The following BRINP3 variants were observed in gnomAD, a reference collection of about 807,000 sequenced individuals.
BRINP3 encodes BMP/retinoic acid inducible neural specific 3.
BRINP3 carries 19 observed loss-of-function variants against 71.0 expected under a neutral mutation model. The ratio of observed to expected loss-of-function variants is 0.27; its 90% CI spans 0.19 to 0.39. BRINP3 has a LOEUF of 0.39. Among genes scored for constraint, BRINP3 ranks in the 10% least tolerant of loss-of-function variants. The pLI, the probability that BRINP3 is intolerant of heterozygous loss-of-function variation, is 1.00. For synonymous variants in BRINP3, 380 were observed against 337.7 expected, an observed-to-expected ratio of 1.13 and a Z score of -1.37; for missense variants, 959 against 940.8, an observed-to-expected ratio of 1.02 and a Z score of -0.25.
intron 6 of BRINP3, among the ~76,000 whole-genome samples, chr1:190,195,627 GTACA>G (rs1052284491): frequency 4.6e-5 from 7 of 151,676 alleles, no homozygotes; most frequent in Non-Finnish European, 1.0e-4. Context: ...TCATAGAAAG[GTACA>G]TACATACCTA....
intron 1 of BRINP3, among the ~76,000 whole-genome samples, chr1:190,473,726 G>T (rs1032734211): frequency 1.3e-5 from 2 of 150,404 alleles, no homozygotes; most frequent in African/African-American, 4.9e-5. Flanking sequence ...CTACAAAACT[G>T]AAAATGTAAA....
intron 6 of BRINP3, among the ~76,000 whole-genome samples, chr1:190,225,373 C>T (rs865842504): frequency 3.8e-4 from 57 of 151,900 alleles, no homozygotes; most frequent in African/African-American, 1.4e-3. Context: ...AAGTCAATCA[C>T]AGAAAGACAA....
chr1:190,112,969 C>T (rs12060120), intron 7 of BRINP3, among the ~76,000 whole-genome samples: 1,962 of 152,144 alleles, frequency 0.013, 39 homozygotes, highest in African/African-American at 0.045. Flanking sequence ...CTGAATGGTA[C>T]AAACTTTCAG....
chr1:190,222,265 C>G (rs956788079), intron 6 of BRINP3, among the ~76,000 whole-genome samples: 1 of 151,630 alleles, frequency 6.6e-6, no homozygotes, highest in Non-Finnish European at 1.5e-5. Flanking sequence ...ACAAGAGGAA[C>G]CTTGGAAAAT....
intron 2 of BRINP3, among the ~76,000 whole-genome samples, chr1:190,432,323 C>T (rs1341201221): frequency 1.3e-5 from 2 of 152,038 alleles, no homozygotes; most frequent in Admixed American, 1.3e-4. Context: ...AGGTATATTT[C>T]TTCTATTTCT....
chr1:190,147,517 C>G (rs947304751), intron 7 of BRINP3, among the ~76,000 whole-genome samples: 3 of 152,184 alleles, frequency 2.0e-5, no homozygotes, highest in African/African-American at 7.2e-5. Context: ...TATCAATTCA[C>G]TAAGCAGAAA....
At chr1:190,248,172 C>T (rs1055295607) in intron 4 of BRINP3, among the ~76,000 whole-genome samples, 1 of 151,746 alleles carries the variant, frequency 6.6e-6, no homozygotes, top group African/African-American at 2.4e-5. Context: ...ATCTGTGTCA[C>T]CTCTTGCTAT....
intron 2 of BRINP3, among the ~76,000 whole-genome samples, chr1:190,401,376 C>CAAAAAAAAAAAAAAAAA (rs762938571): frequency 1.1e-5 from 1 of 89,372 alleles, no homozygotes; most frequent in Non-Finnish European, 2.0e-5. Flanking sequence ...CATCTCAAAA[C>CAAAAAAAAAAAAAAAAA]AAAAAAAAAA....
chr1:190,139,177 C>T lies in BRINP3; in HGVS notation c.1184+21491G>A, dbSNP rs557631626. On this transcript the variant is annotated intron_variant, in intron 7 of 7. Coordinates refer to ENST00000367462, the MANE Select transcript of BRINP3 (RefSeq NM_199051.3). ...AAAAAAAAAATGATCGGCCCGGAGCCGTGGCTCACACCTGTAATCCCAGCC... is the reference window on the plus strand; with the variant it reads ...AAAAAAAAAATGATCGGCCCGGAGCTGTGGCTCACACCTGTAATCCCAGCC... Among the ~76,000 whole-genome samples, 23 of 151,634 alleles carry T rather than the reference C, an allele frequency of 1.5e-4. No homozygotes were observed. The South Asian group carries it at 1.9e-3, about 12-fold the overall frequency.
intron 2 of BRINP3, among the ~76,000 whole-genome samples, chr1:190,299,875 G>T (rs1223152334): frequency 2.0e-5 from 3 of 152,036 alleles, no homozygotes; most frequent in African/African-American, 7.2e-5. Context: ...GTTGAATATT[G>T]GCCCCACTCT....
chr1:190,208,118 T>A (rs561894365), intron 6 of BRINP3, among the ~76,000 whole-genome samples: 3 of 151,896 alleles, frequency 2.0e-5, no homozygotes, highest in South Asian at 2.1e-4. Flanking sequence ...TGGTTAATTT[T>A]TTTTTTTATT....
intron 7 of BRINP3, among the ~76,000 whole-genome samples, chr1:190,117,441 G>T (rs1411196464): frequency 6.6e-6 from 1 of 151,874 alleles, no homozygotes. Flanking sequence ...TACACAAACA[G>T]TAGAGATTCT....
At chr1:190,170,286 T>C (rs192352499) in intron 6 of BRINP3, among the ~76,000 whole-genome samples, 1 of 152,174 alleles carries the variant, frequency 6.6e-6, no homozygotes, top group East Asian at 1.9e-4. Context: ...TGAGGAAATA[T>C]AAAAGGAAAG....
intron 6 of BRINP3, among the ~76,000 whole-genome samples, chr1:190,173,547 C>A (rs1652217231): frequency 6.6e-6 from 1 of 152,034 alleles, no homozygotes; most frequent in Non-Finnish European, 1.5e-5. Context: ...AGATAGTTGT[C>A]ATTGAAAATG....
chr1:190,113,350 T>A (rs1183814078), intron 7 of BRINP3, among the ~76,000 whole-genome samples: 1 of 152,154 alleles, frequency 6.6e-6, no homozygotes, highest in African/African-American at 2.4e-5. Flanking sequence ...TGGAGAATTA[T>A]GCAATGTCAC....
intron 2 of BRINP3, among the ~76,000 whole-genome samples, chr1:190,294,780 A>C (rs1488903277): frequency 6.6e-6 from 1 of 151,862 alleles, no homozygotes; most frequent in Admixed American, 6.6e-5. Flanking sequence ...TTTAAAGGGG[A>C]CTGCCTGTTG....
At chr1:190,137,314 A>C (rs1557999066) in intron 7 of BRINP3, among the ~76,000 whole-genome samples, 1 of 152,132 alleles carries the variant, frequency 6.6e-6, no homozygotes, top group Non-Finnish European at 1.5e-5. Context: ...TTTGGAAAAG[A>C]AATACTCTGA....
chr1:190,463,482 G>A (rs1203882993), intron 1 of BRINP3, among the ~76,000 whole-genome samples: 1 of 151,092 alleles, frequency 6.6e-6, no homozygotes, highest in Non-Finnish European at 1.5e-5. Flanking sequence ...AATATCCTGG[G>A]TACAAAAAAA....
intron 2 of BRINP3, among the ~76,000 whole-genome samples, chr1:190,329,679 C>A (rs1666838952): frequency 6.6e-6 from 1 of 151,806 alleles, no homozygotes; most frequent in South Asian, 2.1e-4. Context: ...AAAAAATGAG[C>A]CTGAATAGCC....
Sources: gnomAD v4.1 joint callset for allele counts (sites outside exome capture counted in the v4.1 genomes callset) on GRCh38, gnomAD v4.1.1 for gene constraint, MANE v1.5 for transcripts, NCBI Gene and HGNC (gene_info 2026-07-23, HGNC 2026-07-21) for gene names.